The following SCFD2 variants were observed in gnomAD, a reference collection of about 807,000 sequenced individuals.
SCFD2 encodes sec1 family domain-containing protein 2.
Under a neutral mutation model 58.9 loss-of-function variants are expected in SCFD2, and 54 were observed. That is an observed-to-expected ratio of 0.92 (90% CI 0.74 to 1.15). The LOEUF (loss-of-function observed/expected upper bound fraction) is 1.15, where lower values mean the gene tolerates loss of function less well. Among genes scored for constraint, SCFD2 ranks in the 50% most tolerant of loss-of-function variants. The probability of loss-of-function intolerance (pLI) is 0.00; values close to 1 mark genes in which losing one functional copy is unlikely to be tolerated. For missense variants in SCFD2, 805 were observed against 836.6 expected, an observed-to-expected ratio of 0.96 and a Z score of 0.47; for synonymous variants, 321 against 335.9, an observed-to-expected ratio of 0.96 and a Z score of 0.49.
At chr4:52,917,225 C>A (rs564043450) in intron 6 of SCFD2, among the ~76,000 whole-genome samples, 3 of 152,102 alleles carry the variant, frequency 2.0e-5, no homozygotes, top group Non-Finnish European at 2.9e-5. Flanking sequence ...GAGTTTTATA[C>A]GTATTAATTC....
At chr4:53,172,926 A>T (rs1395554747) in intron 4 of SCFD2, among the ~76,000 whole-genome samples, 1 of 152,168 alleles carries the variant, frequency 6.6e-6, no homozygotes, top group African/African-American at 2.4e-5. Context: ...TGTCCCTTGA[A>T]AGTCAGGTAC....
chr4:53,345,986 AAATACCT>A (rs1181366953), intron 2 of SCFD2, among the ~76,000 whole-genome samples: 3 of 152,166 alleles, frequency 2.0e-5, no homozygotes, highest in Admixed American at 1.3e-4. Context: ...CAATTAGGAG[AAATACCT>A]AACGTAAATG....
intron 5 of SCFD2, among the ~76,000 whole-genome samples, chr4:52,931,998 G>C (rs980883600): frequency 6.6e-6 from 1 of 152,176 alleles, no homozygotes; most frequent in African/African-American, 2.4e-5. Context: ...CACCTGGAAG[G>C]CTTCCTGGAG....
chr4:53,182,770 T>A (rs989073669), intron 4 of SCFD2, among the ~76,000 whole-genome samples: 47 of 151,802 alleles, frequency 3.1e-4, no homozygotes, highest in African/African-American at 1.1e-3. Context: ...AAAGGGCTAA[T>A]ATCCAGAATC....
chr4:52,999,963 G>A, intron 5 of SCFD2, among the ~76,000 whole-genome samples: 1 of 152,146 alleles, frequency 6.6e-6, no homozygotes, highest in East Asian at 1.9e-4. Context: ...TTTCTCCTGT[G>A]GTCTATTTAT....
chr4:53,010,903 T>C (rs1432667894), intron 5 of SCFD2, among the ~76,000 whole-genome samples: 7 of 152,114 alleles, frequency 4.6e-5, no homozygotes, highest in Non-Finnish European at 1.0e-4. Flanking sequence ...CAATTTAAAA[T>C]TTCTGCACCT....
intron 2 of SCFD2, among the ~76,000 whole-genome samples, chr4:53,315,828 G>T (rs942084445): frequency 1.3e-5 from 2 of 152,118 alleles, no homozygotes; most frequent in Non-Finnish European, 2.9e-5. Context: ...ATGAGAATAT[G>T]TATCTGGCTA....
chr4:53,208,794 G>C (rs1351407046), intron 4 of SCFD2, among the ~76,000 whole-genome samples: 1 of 152,184 alleles, frequency 6.6e-6, no homozygotes, highest in Non-Finnish European at 1.5e-5. Context: ...ATGATAAATT[G>C]ATAAACTAAG....
At chr4:53,191,749 A>G (rs1329461152) in intron 4 of SCFD2, among the ~76,000 whole-genome samples, 1 of 152,218 alleles carries the variant, frequency 6.6e-6, no homozygotes, top group Non-Finnish European at 1.5e-5. Flanking sequence ...ACTGTCATAG[A>G]AAACAATAGG....
intron 2 of SCFD2, among the ~76,000 whole-genome samples, chr4:53,350,676 T>A (rs1374040345): frequency 6.6e-6 from 1 of 152,326 alleles, no homozygotes; most frequent in East Asian, 1.9e-4. Flanking sequence ...TTCACATAGA[T>A]AGCATAGAAG....
chr4:53,115,316 G>C (rs991075395), intron 5 of SCFD2, among the ~76,000 whole-genome samples: 1 of 152,038 alleles, frequency 6.6e-6, no homozygotes, highest in East Asian at 1.9e-4. Flanking sequence ...AACATGATAA[G>C]ATTAACCCAA....
chr4:53,340,683 C>T (rs1204487380), intron 2 of SCFD2, among the ~76,000 whole-genome samples: 3 of 152,188 alleles, frequency 2.0e-5, no homozygotes, highest in South Asian at 2.1e-4. Context: ...CCCTCACCCC[C>T]GAGTAGCCCA....
chr4:53,317,377 AC>A (rs1200464153), intron 2 of SCFD2, among the ~76,000 whole-genome samples: 1 of 152,136 alleles, frequency 6.6e-6, no homozygotes, highest in African/African-American at 2.4e-5. Flanking sequence ...GGTAATTCAC[AC>A]ACATACACCT....
chr4:52,876,579 A>G (rs1469198677), intron 8 of SCFD2, among the ~76,000 whole-genome samples: 1 of 151,858 alleles, frequency 6.6e-6, no homozygotes, highest in Non-Finnish European at 1.5e-5. Context: ...GTGAAACCCC[A>G]TCTCTACTAA....
At chr4:53,323,948 G>C (rs1193733396) in intron 2 of SCFD2, among the ~76,000 whole-genome samples, 1 of 152,014 alleles carries the variant, frequency 6.6e-6, no homozygotes, top group African/African-American at 2.4e-5. Flanking sequence ...ATTAATAAAG[G>C]AGACAGGAAT....
rs1023580959 is a variant in SCFD2, at chr4:53,163,037, C to A, written c.1312-17455G>T. ...GAGAGTGACCAGCAACAGAGAAATT[C>A]TATTGGGTAACAAAGCACCATTCCT... On this transcript the variant is annotated intron_variant, in intron 4 of 8. Coordinates refer to ENST00000401642, the MANE Select transcript of SCFD2 (RefSeq NM_152540.4). Among the ~76,000 whole-genome samples the A allele has an allele frequency of 6.1e-4, 92 of 152,056 alleles. 1 individual carries two copies. The highest frequency in any genetic ancestry group is 1.6e-4 in the Non-Finnish European group (11 of 68,004).
intron 4 of SCFD2, among the ~76,000 whole-genome samples, chr4:53,153,266 C>T (rs1726567180): frequency 6.6e-6 from 1 of 152,242 alleles, no homozygotes; most frequent in South Asian, 2.1e-4. Context: ...GGCATCCAGG[C>T]TTTCCAATAC....
chr4:53,297,075 G>C (rs1443117504), intron 3 of SCFD2, among the ~76,000 whole-genome samples: 1 of 152,152 alleles, frequency 6.6e-6, no homozygotes. Flanking sequence ...GTCAATTTTA[G>C]AATCAGTGTG....
At chr4:53,334,599 G>T (rs1467768100) in intron 2 of SCFD2, among the ~76,000 whole-genome samples, 4 of 146,664 alleles carry the variant, frequency 2.7e-5, no homozygotes, top group East Asian at 2.0e-4. Context: ...TGGGGACTGT[G>T]GTGGGGTGGG....
Sources: allele counts gnomAD v4.1 joint callset (sites outside exome capture counted in the v4.1 genomes callset), GRCh38; gene constraint gnomAD v4.1.1; transcripts MANE v1.5; gene names NCBI Gene and HGNC (gene_info 2026-07-23, HGNC 2026-07-21).